Variants in TLE7 observed in about 807,000 individuals in gnomAD.
TLE7 encodes transducin-like enhancer protein 7.
chr16:71,440,630 C>A (rs978886866), intron 1 of TLE7, among the ~76,000 whole-genome samples: 1 of 152,212 alleles, frequency 6.6e-6, no homozygotes, highest in African/African-American at 2.4e-5. Context: ...ACTCCAGGCA[C>A]TTTAGCTGGT....
At chr16:71,440,400 C>T (rs1232427021) in intron 1 of TLE7, among the ~76,000 whole-genome samples, 1 of 152,148 alleles carries the variant, frequency 6.6e-6, no homozygotes, top group Non-Finnish European at 1.5e-5. Flanking sequence ...ATCACTTGAA[C>T]CCAGGAGGCA....
chr16:71,440,992 G>A (rs920610784), intron 1 of TLE7, among the ~76,000 whole-genome samples: 2 of 152,086 alleles, frequency 1.3e-5, no homozygotes, highest in Admixed American at 6.5e-5. Flanking sequence ...GGCGTCTCCC[G>A]CATCGTACAT....
At chr16:71,439,030 C>A (rs763915425) in intron 1 of TLE7, among the ~76,000 whole-genome samples, 1 of 152,186 alleles carries the variant, frequency 6.6e-6, no homozygotes, top group Non-Finnish European at 1.5e-5. Flanking sequence ...TTTCCATCCC[C>A]GTGGCCAGTT....
rs1417486695 is a variant in TLE7, at chr16:71,432,102, T to C, written c.609+8A>G. 3 of 401,044 alleles carry C rather than the reference T, an allele frequency of 7.5e-6. No individual in the cohort carries two copies. Among genetic ancestry groups the C allele is most frequent in the South Asian group, 1.3e-4 (1 of 7,958 alleles). The allele number at this position is 401,044 out of a possible 1,614,324, so 24.8% of individuals were successfully genotyped here. ...AGTTCCCTGAGTCCTGCTTTGGATCTCCCTCACCTGCAAGTCCAGCTGGGC... is the reference window on the plus strand; with the variant it reads ...AGTTCCCTGAGTCCTGCTTTGGATCCCCCTCACCTGCAAGTCCAGCTGGGC... On this transcript the variant is annotated splice_region_variant and intron_variant, in intron 5 of 9. Coordinates refer to ENST00000561754, the MANE Select transcript of TLE7 (RefSeq NM_001367365.2).
At chr16:71,435,544 G>A (rs546901763) in intron 1 of TLE7, among the ~76,000 whole-genome samples, 15 of 152,308 alleles carry the variant, frequency 9.8e-5, no homozygotes, top group African/African-American at 3.4e-4. Context: ...CAACTTTTAT[G>A]TAAAAGAAAA....
At chr16:71,433,680 C>A (rs1567555856) in intron 1 of TLE7, among the ~76,000 whole-genome samples, 1 of 152,214 alleles carries the variant, frequency 6.6e-6, no homozygotes. Flanking sequence ...AACTCACCTG[C>A]CGGGCACGGT....
rs1219546938 is a variant in TLE7 at position 71,429,999 on chromosome 16, T to G, written c.*263A>C. ...AGCCACTTTGCTTTCTGCTTTGCTA[T>G]TTTATTCATTACAAAGGGATCTCAA... On this transcript the variant is annotated 3_prime_UTR_variant, in exon 10 of 10. Coordinates refer to ENST00000561754, the MANE Select transcript of TLE7 (RefSeq NM_001367365.2). Among the ~76,000 whole-genome samples, 2 of 152,240 alleles carry G rather than the reference T, an allele frequency of 1.3e-5. No individual in the cohort carries two copies. The highest frequency in any genetic ancestry group is 2.9e-5 in the Non-Finnish European group (2 of 68,042).
chr16:71,437,242 G>A (rs2042829511), intron 1 of TLE7, among the ~76,000 whole-genome samples: 1 of 151,778 alleles, frequency 6.6e-6, no homozygotes, highest in Admixed American at 6.6e-5. Flanking sequence ...CCAGCTACTT[G>A]GGAGGCTGAG....
intron 1 of TLE7, among the ~76,000 whole-genome samples, chr16:71,436,403 A>G (rs2042826286): frequency 6.6e-6 from 1 of 152,202 alleles, no homozygotes; most frequent in East Asian, 1.9e-4. Context: ...AGACGTGGCC[A>G]CACAACCAAC....
chr16:71,435,740 A>T lies in TLE7; in HGVS notation c.-96-2320T>A, dbSNP rs150024723. Among the ~76,000 whole-genome samples, 30 of 152,306 alleles carry T rather than the reference A, an allele frequency of 2.0e-4. No homozygotes were observed. The East Asian group carries it at 5.6e-3, about 28-fold the overall frequency. The stretch of plus-strand genomic sequence containing the variant: ...AATGGTTGGATCTGGAGCCTTTCTC[A>T]TCTCACCCCAAATGTTGATCCTCCT... On this transcript the variant is annotated intron_variant, in intron 1 of 9. Coordinates refer to ENST00000561754, the MANE Select transcript of TLE7 (RefSeq NM_001367365.2).
chr16:71,431,541 G>T lies in TLE7; in HGVS notation c.873C>A (p.Tyr291Ter), dbSNP rs1034687326. The change falls in exon 7 of 10, where the codon TAC becomes TAA. Residue 291 changes from tyrosine (Y) to a stop codon, truncating the protein, a stop_gained. Transcript: ENST00000561754. LOFTEE classifies it high-confidence loss of function. This position sits in a 1 kb window ranked among gnomAD's most constrained non-coding sequence, Gnocchi z 4.5. The stretch of plus-strand genomic sequence containing the variant: ...CGGTGATGTCCACACATCGGGACCC[G>T]TATACAGGAACTTCGTGCTTCCTGG... ...ILIRKHEVPV[Y>*]GSRCVDITGN... 3 of 400,656 alleles carry T rather than the reference G, an allele frequency of 7.5e-6. No homozygotes were observed. Among genetic ancestry groups the T allele is most frequent in the Non-Finnish European group, 1.3e-5 (3 of 226,266 alleles). 24.8% of individuals were successfully genotyped at this position (400,656 alleles called of 1,614,324 possible). A position where few individuals can be genotyped will look rare whatever the true frequency, so the allele number is the denominator to read the frequency against.
At chr16:71,434,033 T>C (rs2042817304) in intron 1 of TLE7, among the ~76,000 whole-genome samples, 1 of 152,176 alleles carries the variant, frequency 6.6e-6, no homozygotes, top group South Asian at 2.1e-4. Flanking sequence ...AAATAAAATA[T>C]AAGGCAACAG....
intron 1 of TLE7, 134 bp from the exon 2 acceptor site, chr16:71,433,554 T>C: frequency 2.6e-6 from 1 of 384,124 alleles, no homozygotes. Flanking sequence ...CATTAGGTGT[T>C]GGCGGCAATG....
intron 1 of TLE7, among the ~76,000 whole-genome samples, chr16:71,434,433 G>A (rs558091733): frequency 1.3e-5 from 2 of 152,294 alleles, no homozygotes; most frequent in East Asian, 1.9e-4. Context: ...GGAGCCTTAG[G>A]GATGGGACAA....
At chr16:71,435,074 G>A (rs1047953413) in intron 1 of TLE7, among the ~76,000 whole-genome samples, 8 of 152,304 alleles carry the variant, frequency 5.3e-5, no homozygotes, top group African/African-American at 1.9e-4. Flanking sequence ...GGTGCAATAA[G>A]TTAGAGTATA....
intron 1 of TLE7, among the ~76,000 whole-genome samples, chr16:71,437,353 A>G (rs1480497964): frequency 8.5e-6 from 1 of 116,962 alleles, no homozygotes; most frequent in Non-Finnish European, 2.0e-5. Context: ...TGTCTCAGAA[A>G]AAAAAAAAAA....
rs185355266 is a variant in TLE7, at chr16:71,432,146, C to A, written c.573G>T (p.Ala191=). 4 of 401,120 alleles carry A rather than the reference C, an allele frequency of 1.0e-5. No individual in the cohort carries two copies. In the East Asian group the frequency reaches 1.1e-4, roughly 11 times the overall value. The allele number at this position is 401,120 out of a possible 1,614,324, so 24.8% of individuals were successfully genotyped here. A position where few individuals can be genotyped will look rare whatever the true frequency, so the allele number is the denominator to read the frequency against. ...GCTGGGCCCGAGGGGCCTTCTCCCC[C>A]GCATGCAGCGCACTCTCATCCCATA... ...IRVWDESALH[A]GEKAPRAQLD... Residue 191 remains alanine (A), a synonymous_variant, in exon 5 of 10, where the codon GCG becomes GCT. Transcript: ENST00000561754.
At chr16:71,432,586 G>C in intron 4 of TLE7, 79 bp downstream of exon 4, 1 of 398,746 alleles carries the variant, frequency 2.5e-6, no homozygotes, top group Non-Finnish European at 4.4e-6. Flanking sequence ...GGGAGAGAGA[G>C]TGAAAGTGTG....
At chr16:71,436,285 C>G (rs1312037192) in intron 1 of TLE7, among the ~76,000 whole-genome samples, 1 of 152,210 alleles carries the variant, frequency 6.6e-6, no homozygotes, top group East Asian at 1.9e-4. Context: ...GGTGCTGCCC[C>G]TATCCTGCGG....
Sources: gnomAD v4.1 joint callset for allele counts (sites outside exome capture counted in the v4.1 genomes callset) on GRCh38, gnomAD v4.1.1 for gene constraint, Gnocchi (gnomAD v3.1) non-coding constraint, MANE v1.5 for transcripts, NCBI Gene and HGNC (gene_info 2026-07-23, HGNC 2026-07-21) for gene names.